The following ZC2HC1B variants were observed in gnomAD, a reference collection of about 807,000 sequenced individuals.
ZC2HC1B encodes the protein zinc finger C2HC-type containing 1B, also known as zinc finger C2HC domain-containing protein 1B.
A neutral mutation model predicts 31.0 loss-of-function variants in ZC2HC1B; 36 were observed. That is an observed-to-expected ratio of 1.16 (90% confidence interval 0.89 to 1.54). The LOEUF is 1.54. ZC2HC1B is among the 40% of genes most tolerant of loss of function. ZC2HC1B has a pLI of 0.00. For synonymous variants in ZC2HC1B, 73 were observed against 88.0 expected (o/e 0.83, Z 0.95); for missense variants, 260 against 268.6 (o/e 0.97, Z 0.22).
intron 1 of ZC2HC1B, among the ~76,000 whole-genome samples, chr6:143,882,334 T>TATATATTTTATATA (rs1554237238): frequency 5.8e-5 from 5 of 85,554 alleles, no homozygotes; most frequent in African/African-American, 2.6e-4. Context: ...TTTATATTTT[T>TATATATTTTATATA]TATATATATA....
chr6:143,918,113 CATG>C lies in ZC2HC1B; in HGVS notation c.598+14964_598+14966del, dbSNP rs1260971168. 6.6e-6 allele frequency among the ~76,000 whole-genome samples: 1 copy of C among 152,190 alleles called. No homozygotes were observed. Among genetic ancestry groups the C allele is most frequent in the East Asian group, 1.9e-4 (1 of 5,200 alleles). Reference sequence around the variant, plus strand: ...TGAGTATTTCTTGCAGGGCAGGTCTCATGATAATGAACTTCCTCAGCTTTTGTT... The same window carrying C: ...TGAGTATTTCTTGCAGGGCAGGTCTCATAATGAACTTCCTCAGCTTTTGTT... On this transcript the variant is annotated intron_variant, in intron 6 of 7. Transcript: ENST00000237275. The surrounding 1 kb of genome is among the most constrained non-coding windows in gnomAD (Gnocchi z 4.1).
rs71024879 is a variant in ZC2HC1B, at chr6:143,925,165, C to CTTT, written c.599-12458_599-12456dup. Among the ~76,000 whole-genome samples the CTTT allele has an allele frequency of 6.4e-4, 67 of 104,170 alleles. 3 individuals are homozygous for CTTT. Among genetic ancestry groups the CTTT allele is most frequent in the South Asian group, 2.2e-3 (7 of 3,230 alleles). 68.3% of individuals were successfully genotyped at this position (104,170 alleles called of 152,430 possible). A position where few individuals can be genotyped will look rare whatever the true frequency, so the allele number is the denominator to read the frequency against. ...TTTTATTACTGATTCAATCTCATTCCTTTTTTTTTTTTTTTTTTTTTTTTT... is the reference window on the plus strand; with the variant it reads ...TTTTATTACTGATTCAATCTCATTCCTTTTTTTTTTTTTTTTTTTTTTTTTTTT... On this transcript the variant is annotated intron_variant, in intron 6 of 7. Transcript: ENST00000237275.
At chr6:143,890,298 C>T (rs1777584012) in intron 4 of ZC2HC1B, among the ~76,000 whole-genome samples, 1 of 147,542 alleles carries the variant, frequency 6.8e-6, no homozygotes, top group Non-Finnish European at 1.5e-5. Context: ...TGATGTAATC[C>T]ATCAAATTAA....
At position 143,876,622 on chromosome 6, in the gene ZC2HC1B, A is replaced by G. The variant is rs185972762; in HGVS notation, c.29-7682A>G. 3.0e-4 allele frequency among the ~76,000 whole-genome samples: 45 copies of G among 150,494 alleles called. 2 individuals are homozygous for G. The Middle Eastern group carries it at 0.017, about 57-fold the overall frequency. On this transcript the variant is annotated intron_variant, in intron 1 of 7. Coordinates refer to ENST00000237275, the MANE Select transcript of ZC2HC1B (RefSeq NM_001013623.3). ...GAGAGACAGAACTAATAGGAAATAT[A>G]TATAAGGGGAATATATATATAAAGG... is the stretch of plus-strand genomic sequence containing the variant.
At chr6:143,910,368 A>G (rs1283091392) in intron 6 of ZC2HC1B, among the ~76,000 whole-genome samples, 1 of 151,990 alleles carries the variant, frequency 6.6e-6, no homozygotes, top group Admixed American at 6.6e-5. Context: ...TTTGTTGAGG[A>G]GTGTTTTACT....
At chr6:143,906,797 T>G (rs189065302) in intron 6 of ZC2HC1B, among the ~76,000 whole-genome samples, 4 of 152,060 alleles carry the variant, frequency 2.6e-5, no homozygotes, top group Non-Finnish European at 1.5e-5. Context: ...CTTTTCATTT[T>G]AAGTTCAGGG....
Position 143,884,420 on chromosome 6 carries a change from A to G in ZC2HC1B, c.90+55A>G. 1 of 1,480,352 alleles carries G rather than the reference A, an allele frequency of 6.8e-7. No individual in the cohort carries two copies. Among genetic ancestry groups the G allele is most frequent in the Non-Finnish European group, 9.2e-7 (1 of 1,092,036 alleles). The allele number at this position is 1,480,352 out of a possible 1,614,324, so 91.7% of individuals were successfully genotyped here. ...TTCATTGGACTTAAATGAACTGTCA[A>G]GTCAGTGAGGAGGCGGCAGTGCAAA... On this transcript the variant is annotated intron_variant, in intron 2 of 7. Transcript: ENST00000237275. The surrounding 1 kb of genome is among the most constrained non-coding windows in gnomAD (Gnocchi z 5.1).
rs375474353 is a variant in ZC2HC1B, at chr6:143,903,099, CT to C, written c.548del (p.Leu183CysfsTer19). On this transcript the variant is annotated frameshift_variant, in exon 6 of 8. Coordinates refer to ENST00000237275, the MANE Select transcript of ZC2HC1B (RefSeq NM_001013623.3). LOFTEE classifies it high-confidence loss of function. The surrounding 1 kb of genome is among the most constrained non-coding windows in gnomAD (Gnocchi z 4.3). ...KEPTVTSAVG[A>X]LLQNRVLVAT... ...CCAACTGTTACCAGTGCTGTGGGAG[CT>C]TTGCTGCAGAACAGGGTCCTGGTGG... 6.1e-5 allele frequency: 94 copies of C among 1,552,036 alleles called. No homozygotes were observed. The African/African-American group carries it at 9.2e-4, about 15-fold the overall frequency.
chr6:143,894,605 T>C (rs1777640761), intron 4 of ZC2HC1B, among the ~76,000 whole-genome samples: 2 of 152,244 alleles, frequency 1.3e-5, no homozygotes, highest in Non-Finnish European at 1.5e-5. Flanking sequence ...GCTTCCCTTT[T>C]ATTGAGTGCT....
chr6:143,912,548 C>G (rs1260608329), intron 6 of ZC2HC1B, among the ~76,000 whole-genome samples: 3 of 152,122 alleles, frequency 2.0e-5, no homozygotes, highest in African/African-American at 7.2e-5. Context: ...CCTTAGTTTT[C>G]TTGTTTATTT....
At chr6:143,928,824 G>GTTTTTTTTTTTTT (rs59359194) in intron 6 of ZC2HC1B, among the ~76,000 whole-genome samples, 15 of 142,288 alleles carry the variant, frequency 1.1e-4, no homozygotes, top group South Asian at 2.2e-4. Context: ...TATTCCTAGG[G>GTTTTTTTTTTTTT]TTTTTTTTTT....
rs1391329278 is a variant in ZC2HC1B at position 143,915,136 on chromosome 6, T to C, written c.598+11984T>C. Among the ~76,000 whole-genome samples, 1 of 152,202 alleles carries C rather than the reference T, an allele frequency of 6.6e-6. No individual in the cohort carries two copies. The highest frequency in any genetic ancestry group is 1.5e-5 in the Non-Finnish European group (1 of 68,036). On this transcript the variant is annotated intron_variant, in intron 6 of 7. Transcript: ENST00000237275. This position sits in a 1 kb window ranked among gnomAD's most constrained non-coding sequence, Gnocchi z 5.2. ...AAATTTCATCTTGAATTCCCACGTG[T>C]TGTGGGAGGGACCCAGTGGGAAGTA...
rs75370420 is a variant in ZC2HC1B, at chr6:143,865,720, T to TAGAA, written c.28+1154_28+1157dup. 0.3 allele frequency among the ~76,000 whole-genome samples: 45,798 copies of TAGAA among 151,798 alleles called. 7,130 individuals are homozygous for TAGAA. Among genetic ancestry groups the TAGAA allele is most frequent in the East Asian group, 0.53 (2,700 of 5,140 alleles). On this transcript the variant is annotated intron_variant, in intron 1 of 7. Transcript: ENST00000237275. The surrounding 1 kb of genome is among the most constrained non-coding windows in gnomAD (Gnocchi z 4.4). ...AAAGATTTCAGAAAAGAATTAAACA[T>TAGAA]AGAACCATAGCAGGGCCTAGAATCA...
At chr6:143,925,221 G>T (rs1778021230) in intron 6 of ZC2HC1B, among the ~76,000 whole-genome samples, 1 of 137,276 alleles carries the variant, frequency 7.3e-6, no homozygotes, top group Non-Finnish European at 1.5e-5. Context: ...TGTCGCCCAG[G>T]CTGGAGTGCA....
chr6:143,883,044 G>A lies in ZC2HC1B; in HGVS notation c.29-1260G>A, dbSNP rs1196645954. On this transcript the variant is annotated intron_variant, in intron 1 of 7. Transcript: ENST00000237275. This position sits in a 1 kb window ranked among gnomAD's most constrained non-coding sequence, Gnocchi z 4.1. ...TCAGGCCTCCACCTTCAGCTTTTTT[G>A]TGTGTAAGTGGGGGAGACAGGATCT... 6.6e-6 allele frequency among the ~76,000 whole-genome samples: 1 copy of A among 151,896 alleles called. No homozygotes were observed. Among genetic ancestry groups the A allele is most frequent in the East Asian group, 1.9e-4 (1 of 5,166 alleles).
intron 1 of ZC2HC1B, among the ~76,000 whole-genome samples, chr6:143,864,891 G>A (rs1176463446): frequency 2.6e-5 from 4 of 152,114 alleles, no homozygotes; most frequent in Admixed American, 2.6e-4. Flanking sequence ...TAAAAGGATT[G>A]GCCATTTATT....
At position 143,909,530 on chromosome 6, in the gene ZC2HC1B, C is replaced by CTTT. The variant is rs573480397; in HGVS notation, c.598+6393_598+6395dup. Among the ~76,000 whole-genome samples, 239 of 127,210 alleles carry CTTT rather than the reference C, an allele frequency of 1.9e-3. 1 individual carries two copies. Among genetic ancestry groups the CTTT allele is most frequent in the African/African-American group, 6.5e-3 (223 of 34,218 alleles). 83.5% of individuals were successfully genotyped at this position (127,210 alleles called of 152,430 possible). A position where few individuals can be genotyped will look rare whatever the true frequency, so the allele number is the denominator to read the frequency against. On this transcript the variant is annotated intron_variant, in intron 6 of 7. Coordinates refer to ENST00000237275, the MANE Select transcript of ZC2HC1B (RefSeq NM_001013623.3). ...ATCTGTGAATCTCTCTGGTCCTGGG[C>CTTT]TTTTTTTTTTTTTTTTTCCCGGCTG...
chr6:143,937,472 T>C (rs998959109), intron 6 of ZC2HC1B, among the ~76,000 whole-genome samples, 177 bp from the exon 7 acceptor site: 1 of 151,668 alleles, frequency 6.6e-6, no homozygotes, highest in African/African-American at 2.4e-5. Context: ...CCTTATTTGG[T>C]TATTTGTCTG....
intron 6 of ZC2HC1B, among the ~76,000 whole-genome samples, chr6:143,936,668 G>A (rs1258592033): frequency 2.0e-5 from 3 of 152,220 alleles, no homozygotes; most frequent in Non-Finnish European, 4.4e-5. Flanking sequence ...ATGTCACTAT[G>A]AGCATGTAGT....
Sources: allele counts gnomAD v4.1 joint callset (sites outside exome capture counted in the v4.1 genomes callset), GRCh38; gene constraint gnomAD v4.1.1; non-coding constraint Gnocchi (gnomAD v3.1); transcripts MANE v1.5; gene names NCBI Gene and HGNC (gene_info 2026-07-23, HGNC 2026-07-21).